Variants in ARHGAP15 observed in about 807,000 individuals in gnomAD.
ARHGAP15 encodes Rho GTPase activating protein 15.
Under a neutral mutation model 63.7 loss-of-function variants are expected in ARHGAP15, and 51 were observed. The ratio of observed to expected loss-of-function variants is 0.80; its 90% CI spans 0.64 to 1.01. The LOEUF (loss-of-function observed/expected upper bound fraction) is 1.01. Among genes scored for constraint, ARHGAP15 ranks in the 50% least tolerant of loss-of-function variants. The pLI, the probability that ARHGAP15 is intolerant of heterozygous loss-of-function variation, is 0.00. For missense variants in ARHGAP15, 560 were observed against 564.6 expected, an observed-to-expected ratio of 0.99 and a Z score of 0.08; for synonymous variants, 191 against 193.8, an observed-to-expected ratio of 0.99 and a Z score of 0.12.
intron 9 of ARHGAP15, among the ~76,000 whole-genome samples, chr2:143,489,289 G>A (rs575234932): frequency 2.2e-4 from 33 of 152,274 alleles, no homozygotes; most frequent in Non-Finnish European, 4.4e-4. Context: ...CAATGGAACC[G>A]CTAAACACAC....
intron 2 of ARHGAP15, among the ~76,000 whole-genome samples, chr2:143,187,689 A>G (rs897109877): frequency 1.3e-5 from 2 of 152,210 alleles, no homozygotes; most frequent in Non-Finnish European, 1.5e-5. Context: ...TAATTTTGCG[A>G]AAATTATTCT....
intron 6 of ARHGAP15, among the ~76,000 whole-genome samples, chr2:143,264,193 A>G (rs1558852280): frequency 1.3e-5 from 2 of 151,872 alleles, no homozygotes; most frequent in East Asian, 1.9e-4. Context: ...TGTCCACTCT[A>G]TGATTCAGTG....
At chr2:143,292,017 C>T (rs1413867642) in intron 6 of ARHGAP15, among the ~76,000 whole-genome samples, 2 of 152,078 alleles carry the variant, frequency 1.3e-5, no homozygotes, top group Admixed American at 6.6e-5. Context: ...CTACCTCTAA[C>T]GCGATGGCTA....
intron 1 of ARHGAP15, among the ~76,000 whole-genome samples, chr2:143,144,171 G>A (rs1689485628): frequency 6.6e-6 from 1 of 151,910 alleles, no homozygotes; most frequent in South Asian, 2.1e-4. Context: ...TTGTTGATGG[G>A]CATTTAGATT....
intron 11 of ARHGAP15, among the ~76,000 whole-genome samples, chr2:143,575,503 G>A (rs1467867602): frequency 6.6e-6 from 1 of 152,086 alleles, no homozygotes; most frequent in African/African-American, 2.4e-5. Context: ...GCCATGGGGT[G>A]CAGGAAAGAG....
At chr2:143,532,000 TG>T (rs1454561227) in intron 10 of ARHGAP15, among the ~76,000 whole-genome samples, 2 of 152,176 alleles carry the variant, frequency 1.3e-5, no homozygotes, top group African/African-American at 4.8e-5. Context: ...AGATCTCTAT[TG>T]TTGTATACAG....
intron 8 of ARHGAP15, among the ~76,000 whole-genome samples, chr2:143,482,263 A>C (rs1038954674): frequency 2.0e-5 from 3 of 151,424 alleles, no homozygotes. Flanking sequence ...TGGGAATGGA[A>C]AAAAAAAACT....
chr2:143,167,785 A>C (rs1352095999), intron 2 of ARHGAP15, among the ~76,000 whole-genome samples: 1 of 152,116 alleles, frequency 6.6e-6, no homozygotes, highest in African/African-American at 2.4e-5. Flanking sequence ...TGGTGGCTCC[A>C]CCCAGGCAAT....
chr2:143,742,398 G>A (rs1329030637), intron 13 of ARHGAP15, among the ~76,000 whole-genome samples: 3 of 152,178 alleles, frequency 2.0e-5, no homozygotes, highest in Non-Finnish European at 2.9e-5. Flanking sequence ...GCAACGCCAA[G>A]TCTAGAAGTC....
intron 3 of ARHGAP15, 39 bp downstream of exon 3, chr2:143,202,241 C>T (rs377536889): frequency 1.3e-6 from 2 of 1,523,300 alleles, no homozygotes; most frequent in Non-Finnish European, 1.8e-6. Context: ...TCTACTGATA[C>T]AAAATAAATT....
intron 12 of ARHGAP15, among the ~76,000 whole-genome samples, chr2:143,664,137 C>T (rs1331993624): frequency 1.3e-5 from 2 of 152,132 alleles, no homozygotes; most frequent in African/African-American, 4.8e-5. Context: ...CCACACCACA[C>T]CTATTCCAAA....
chr2:143,234,853 A>G (rs1024046491), intron 5 of ARHGAP15, among the ~76,000 whole-genome samples: 2 of 152,202 alleles, frequency 1.3e-5, no homozygotes, highest in South Asian at 4.1e-4. Flanking sequence ...CCCTCACTGA[A>G]TTCATATTCC....
chr2:143,241,967 C>A (rs958510746), intron 5 of ARHGAP15, among the ~76,000 whole-genome samples: 1 of 152,198 alleles, frequency 6.6e-6, no homozygotes, highest in African/African-American at 2.4e-5. Context: ...TTAAAGCAAT[C>A]TGTGGGAGGA....
chr2:143,606,576 A>G (rs767552464), intron 11 of ARHGAP15, among the ~76,000 whole-genome samples: 14 of 152,228 alleles, frequency 9.2e-5, no homozygotes, highest in Non-Finnish European at 8.8e-5. Context: ...AACGTGAGCA[A>G]TGTATAACAA....
Position 143,767,996 on chromosome 2 carries a change from G to A in ARHGAP15, c.1252G>A (p.Ala418Thr), listed in dbSNP as rs758104156. The A allele has an allele frequency of 6.8e-6, 11 of 1,613,124 alleles. No individual in the cohort carries two copies. Among genetic ancestry groups the A allele is most frequent in the South Asian group, 5.5e-5 (5 of 91,006 alleles). Residue 418 changes from alanine to threonine, a missense_variant, in exon 14 of 14, where the codon GCC (alanine) becomes ACC (threonine). Ala to Thr is a moderately conservative substitution (Grantham distance 58). Transcript: ENST00000295095. Reference sequence around the variant, plus strand: ...TTTTCTCTCTCTCCACAGGATAGTGGCCAAAGCCTCCAAGAACCTCATGTC... The same window carrying A: ...TTTTCTCTCTCTCCACAGGATAGTGACCAAAGCCTCCAAGAACCTCATGTC... ...VLFGHLTKIV[A>T]KASKNLMSTQ...
At chr2:143,201,903 T>C (rs1035913241) in intron 2 of ARHGAP15, among the ~76,000 whole-genome samples, 1 of 152,046 alleles carries the variant, frequency 6.6e-6, no homozygotes, top group African/African-American at 2.4e-5. Flanking sequence ...AAGAAAGGGG[T>C]GTCAAGGTTA....
At chr2:143,292,928 G>A (rs1243311931) in intron 6 of ARHGAP15, among the ~76,000 whole-genome samples, 1 of 151,938 alleles carries the variant, frequency 6.6e-6, no homozygotes, top group African/African-American at 2.4e-5. Flanking sequence ...CTAAGCCAAA[G>A]TTCCAATCCA....
chr2:143,512,448 G>A (rs539450221), intron 9 of ARHGAP15, among the ~76,000 whole-genome samples: 87 of 152,270 alleles, frequency 5.7e-4, no homozygotes, highest in African/African-American at 2.0e-3. Flanking sequence ...GGAATCTCAG[G>A]GTGTTCTTGC....
At chr2:143,514,422 C>T (rs1693716793) in intron 9 of ARHGAP15, among the ~76,000 whole-genome samples, 1 of 152,150 alleles carries the variant, frequency 6.6e-6, no homozygotes, top group Admixed American at 6.5e-5. Flanking sequence ...GAGACTCCTC[C>T]TGAGGATTGA....
Sources: gnomAD v4.1 joint callset for allele counts (sites outside exome capture counted in the v4.1 genomes callset) on GRCh38, gnomAD v4.1.1 for gene constraint, MANE v1.5 for transcripts, NCBI Gene and HGNC (gene_info 2026-07-23, HGNC 2026-07-21) for gene names.